The following FGFR2 variants were observed in gnomAD, a reference collection of about 807,000 sequenced individuals.
FGFR2 encodes BEK fibroblast growth factor receptor.
A neutral mutation model predicts 95.9 loss-of-function variants in FGFR2; 19 were observed. The observed-to-expected ratio is 0.20, with a 90% CI of 0.14 to 0.29. The LOEUF (loss-of-function observed/expected upper bound fraction) is 0.29, where lower values mean the gene tolerates loss of function less well. Ranked by LOEUF, FGFR2 falls within the 10% of genes least tolerant of loss-of-function variation. The probability of loss-of-function intolerance (pLI) is 1.00; values close to 1 mark genes in which losing one functional copy is unlikely to be tolerated. For synonymous variants in FGFR2, 392 were observed against 393.3 expected (o/e 1.00, Z 0.04); for missense variants, 707 against 1,056.9 (o/e 0.67, Z 4.59).
At chr10:121,569,595 T>C (rs555187679) in intron 2 of FGFR2, among the ~76,000 whole-genome samples, 4 of 152,358 alleles carry the variant, frequency 2.6e-5, no homozygotes, top group Admixed American at 2.6e-4. Flanking sequence ...TTAAGATGAC[T>C]TGACGTACTA....
chr10:121,503,672 G>T, intron 10 of FGFR2, 118 bp downstream of exon 10: 1 of 1,102,026 alleles, frequency 9.1e-7, no homozygotes, highest in Non-Finnish European at 1.4e-6. Flanking sequence ...TCTTACTCCT[G>T]CTGACATCAT....
chr10:121,524,146 A>ACCCCCCC lies in FGFR2; in HGVS notation c.749-3978_749-3977insGGGGGGG, dbSNP rs1554933622. Among the ~76,000 whole-genome samples the ACCCCCCC allele has an allele frequency of 9.4e-4, 129 of 136,928 alleles. 2 individuals carry two copies. Among genetic ancestry groups the ACCCCCCC allele is most frequent in the Non-Finnish European group, 1.4e-3 (92 of 64,588 alleles). The allele number at this position is 136,928 out of a possible 152,430, so 89.8% of individuals were successfully genotyped here. A position where few individuals can be genotyped will look rare whatever the true frequency, so the allele number is the denominator to read the frequency against. On this transcript the variant is annotated intron_variant, in intron 6 of 17. Coordinates refer to ENST00000358487, the MANE Select transcript of FGFR2 (RefSeq NM_000141.5). Reference sequence around the variant, plus strand: ...CACACACACACACACACACACACACACCCCAAGTTTGCAATGGTTTAATGT... The same window carrying ACCCCCCC: ...CACACACACACACACACACACACACACCCCCCCCCCCAAGTTTGCAATGGTTTAATGT...
chr10:121,595,953 C>T (rs1407362906), intron 1 of FGFR2, among the ~76,000 whole-genome samples: 1 of 152,224 alleles, frequency 6.6e-6, no homozygotes, highest in Non-Finnish European at 1.5e-5. Context: ...AGACCTAAGG[C>T]GACAGGTCTG....
Position 121,479,195 on chromosome 10 carries a change from C to CA in FGFR2, c.*661dup, listed in dbSNP as rs533680275. On this transcript the variant is annotated 3_prime_UTR_variant, in exon 18 of 18. Transcript: ENST00000358487. The stretch of plus-strand genomic sequence containing the variant: ...CTGCATAGAAATGCCACTTAAATTA[C>CA]AAAAAAAACTATAAATGATTAATTG... 38 of 232,022 alleles carry CA rather than the reference C, an allele frequency of 1.6e-4. No individual in the cohort carries two copies. Among genetic ancestry groups the CA allele is most frequent in the East Asian group, 4.3e-4 (7 of 16,312 alleles). The allele number at this position is 232,022 out of a possible 1,614,324, so 14.4% of individuals were successfully genotyped here.
chr10:121,571,810 G>A (rs1004298541), intron 2 of FGFR2, among the ~76,000 whole-genome samples: 28 of 151,976 alleles, frequency 1.8e-4, no homozygotes, highest in Non-Finnish European at 2.6e-4. Context: ...GGGCATGGTG[G>A]CGCATGCCTA....
At chr10:121,535,703 C>CA (rs1852739349) in intron 6 of FGFR2, among the ~76,000 whole-genome samples, 1 of 152,178 alleles carries the variant, frequency 6.6e-6, no homozygotes, top group Non-Finnish European at 1.5e-5. Flanking sequence ...TTTTCCCTTG[C>CA]AGTAAATAGC....
chr10:121,500,406 C>T (rs144275375), intron 11 of FGFR2, among the ~76,000 whole-genome samples: 95 of 152,294 alleles, frequency 6.2e-4, no homozygotes, highest in African/African-American at 2.0e-3. Flanking sequence ...TGCTCCCTTA[C>T]GTCTCTTCGT....
intron 6 of FGFR2, among the ~76,000 whole-genome samples, chr10:121,537,498 G>A (rs768252058): frequency 9.2e-5 from 14 of 152,054 alleles, no homozygotes; most frequent in Admixed American, 5.9e-4. Context: ...ATGTAACGGG[G>A]TCTCCCTCTT....
At chr10:121,508,903 C>T (rs1016791591) in intron 9 of FGFR2, among the ~76,000 whole-genome samples, 1 of 152,210 alleles carries the variant, frequency 6.6e-6, no homozygotes, top group Non-Finnish European at 1.5e-5. Flanking sequence ...ATACGGCTGG[C>T]TTTCTCTTCA....
intron 4 of FGFR2, among the ~76,000 whole-genome samples, chr10:121,562,285 T>C (rs982284664): frequency 7.1e-6 from 1 of 141,332 alleles, no homozygotes; most frequent in African/African-American, 2.7e-5. Context: ...ACAGAGTTTG[T>C]TTTTTTTTTT....
chr10:121,546,741 A>G (rs956371585), intron 5 of FGFR2, among the ~76,000 whole-genome samples: 1 of 152,232 alleles, frequency 6.6e-6, no homozygotes, highest in Admixed American at 6.5e-5. Context: ...TGCCCAATCC[A>G]TAAACGGGTA....
chr10:121,517,456 C>T lies in FGFR2; in HGVS notation c.947G>A (p.Gly316Asp), dbSNP rs1564913750. 6.2e-7 allele frequency: 1 copy of T among 1,614,170 alleles called. No homozygotes were observed. The highest frequency in any genetic ancestry group is 8.5e-7 in the Non-Finnish European group (1 of 1,180,032). Residue 316 changes from glycine to aspartate, a missense_variant, in exon 8 of 18, where the codon GGT (glycine) becomes GAT (aspartate). Gly to Asp is a moderately conservative substitution (Grantham distance 94). Transcript: ENST00000358487. This position sits in a 1 kb window ranked among gnomAD's most constrained non-coding sequence, Gnocchi z 4.7. Reference protein sequence around the residue: ...LPYLKVLKAAGVNTTDKEIEV... With the variant: ...LPYLKVLKAADVNTTDKEIEV... ...AATCTCTTTGTCCGTGGTGTTAACA[C>T]CGGCGGCCTAGAAAACAAGGGAAGC... is the stretch of plus-strand genomic sequence containing the variant.
rs886046757 is a variant in FGFR2, at chr10:121,478,368, G to A, written c.*1489C>T. 5 of 232,102 alleles carry A rather than the reference G, an allele frequency of 2.2e-5. No individual in the cohort carries two copies. The highest frequency in any genetic ancestry group is 4.3e-5 in the Non-Finnish European group (5 of 117,184). The allele number at this position is 232,102 out of a possible 1,614,324, so 14.4% of individuals were successfully genotyped here. A position where few individuals can be genotyped will look rare whatever the true frequency, so the allele number is the denominator to read the frequency against. Reference sequence around the variant, plus strand: ...AGTTGCGTGACATTTATTTTGTCTTGTTAACATTAATATCTGTAGAAACAT... The same window carrying A: ...AGTTGCGTGACATTTATTTTGTCTTATTAACATTAATATCTGTAGAAACAT... On this transcript the variant is annotated 3_prime_UTR_variant, in exon 18 of 18. Transcript: ENST00000358487.
chr10:121,509,881 G>C (rs1848831783), intron 9 of FGFR2, among the ~76,000 whole-genome samples: 1 of 151,986 alleles, frequency 6.6e-6, no homozygotes, highest in Non-Finnish European at 1.5e-5. Context: ...AGGGAGAAGA[G>C]ACGAATTAAT....
At chr10:121,510,556 C>T (rs1848921838) in intron 9 of FGFR2, among the ~76,000 whole-genome samples, 1 of 152,114 alleles carries the variant, frequency 6.6e-6, no homozygotes, top group African/African-American at 2.4e-5. Context: ...AGGCAGTAAA[C>T]GAGCTTCTGG....
At chr10:121,526,228 G>A (rs1242493977) in intron 6 of FGFR2, 1 of 398,500 alleles carries the variant, frequency 2.5e-6, no homozygotes, top group African/African-American at 2.1e-5. Context: ...CGATTTGGAG[G>A]ACAAGTGAAA....
At chr10:121,584,368 C>T (rs1230673078) in intron 2 of FGFR2, among the ~76,000 whole-genome samples, 2 of 148,164 alleles carry the variant, frequency 1.3e-5, no homozygotes, top group Non-Finnish European at 3.0e-5. Context: ...CCCATAACCC[C>T]TCTCCATCCC....
At position 121,570,151 on chromosome 10, in the gene FGFR2, C is replaced by T. The variant is rs1858401156; in HGVS notation, c.110-4447G>A. Among the ~76,000 whole-genome samples the T allele has an allele frequency of 2.5e-5, 3 of 122,060 alleles. No homozygotes were observed. In the South Asian group the frequency reaches 9.0e-4, roughly 37 times the overall value. 80.1% of individuals were successfully genotyped at this position (122,060 alleles called of 152,430 possible). Reference sequence around the variant, plus strand: ...CCGGCCAGGGGGCCAAGAACACAAGCACCTAACAGCTGGCTCAGTGGAAGC... The same window carrying T: ...CCGGCCAGGGGGCCAAGAACACAAGTACCTAACAGCTGGCTCAGTGGAAGC... On this transcript the variant is annotated intron_variant, in intron 2 of 17. Transcript: ENST00000358487.
chr10:121,530,693 TTA>T (rs552213500), intron 6 of FGFR2, among the ~76,000 whole-genome samples: 336 of 152,316 alleles, frequency 2.2e-3, no homozygotes, highest in Middle Eastern at 0.014. Context: ...GTAAATGAGT[TTA>T]GAGAGAAACT....
Sources: gnomAD v4.1 joint callset for allele counts (sites outside exome capture counted in the v4.1 genomes callset) on GRCh38, gnomAD v4.1.1 for gene constraint, Gnocchi (gnomAD v3.1) non-coding constraint, MANE v1.5 for transcripts, NCBI Gene and HGNC (gene_info 2026-07-23, HGNC 2026-07-21) for gene names.